The following CFAP47 variants were observed in gnomAD, a reference collection of about 807,000 sequenced individuals.
The protein encoded by CFAP47 is cilia- and flagella-associated protein 47.
CFAP47 carries 29 observed loss-of-function variants against 148.1 expected under a neutral mutation model. The observed-to-expected ratio is 0.20, with a 90% CI of 0.15 to 0.27. The LOEUF (loss-of-function observed/expected upper bound fraction) is 0.27, where lower values mean the gene tolerates loss of function less well. CFAP47 is among the 10% of genes least tolerant of loss of function. CFAP47 has a pLI of 1.00. For missense variants in CFAP47, 1,872 were observed against 1,697.5 expected (o/e 1.10, Z -1.81); for synonymous variants, 664 against 577.3 (o/e 1.15, Z -2.15).
chrX:36,379,743 T>A (rs1556023750), intron 63 of CFAP47: 10 of 325,250 alleles, frequency 3.1e-5, no homozygotes, highest in East Asian at 5.6e-5. Flanking sequence ...TAGAGGAAAG[T>A]TAAAAAAAAT....
intron 57 of CFAP47, among the ~76,000 whole-genome samples, chrX:36,337,856 CTTTTTTTTT>C (rs1196038760): frequency 1.7e-5 from 1 of 58,342 alleles, no homozygotes; most frequent in Non-Finnish European, 2.8e-5. Flanking sequence ...TTCCATAATC[CTTTTTTTTT>C]TTTTTTTTTT....
At chrX:36,337,683 A>G (rs1430388289) in intron 57 of CFAP47, among the ~76,000 whole-genome samples, 1 of 110,609 alleles carries the variant, frequency 9.0e-6, no homozygotes, top group African/African-American at 3.3e-5. Flanking sequence ...TTCTGTCATT[A>G]CATATTAATA....
chrX:36,151,709 A>G (rs1034188269), intron 37 of CFAP47, among the ~76,000 whole-genome samples: 1 of 111,680 alleles, frequency 9.0e-6, no homozygotes, highest in Admixed American at 9.5e-5. Context: ...GTCACATTCA[A>G]CAAAGCCCTT....
intron 23 of CFAP47, among the ~76,000 whole-genome samples, chrX:36,031,792 G>T (rs1189840824): frequency 4.9e-5 from 5 of 102,366 alleles, no homozygotes; most frequent in Admixed American, 1.1e-4. Flanking sequence ...TTTTCTTAAA[G>T]GATATCTCTG....
intron 57 of CFAP47, among the ~76,000 whole-genome samples, chrX:36,343,985 G>C (rs1183895724): frequency 9.4e-6 from 1 of 106,323 alleles, no homozygotes; most frequent in Non-Finnish European, 1.9e-5. Context: ...GTATTCCATG[G>C]TGTATATGTG....
At chrX:36,301,454 T>G (rs782043245) in intron 53 of CFAP47, among the ~76,000 whole-genome samples, 9 of 109,832 alleles carry the variant, frequency 8.2e-5, no homozygotes, top group Non-Finnish European at 1.7e-4. Flanking sequence ...ACTCCCATCT[T>G]AGAAGTCTAC....
intron 27 of CFAP47, among the ~76,000 whole-genome samples, chrX:36,069,965 C>T (rs1028939090): frequency 4.5e-5 from 5 of 111,792 alleles, no homozygotes; most frequent in African/African-American, 1.6e-4. Flanking sequence ...CCACTGGGAA[C>T]TTTTTATCAT....
intron 7 of CFAP47, 71 bp from the exon 8 acceptor site, chrX:35,955,890 A>G: frequency 4.3e-6 from 5 of 1,169,111 alleles, no homozygotes; most frequent in Non-Finnish European, 5.7e-6. Flanking sequence ...CAGACAACAA[A>G]TAGACTAAGC....
intron 56 of CFAP47, among the ~76,000 whole-genome samples, chrX:36,313,026 A>G (rs923788011): frequency 1.8e-5 from 2 of 111,412 alleles, no homozygotes; most frequent in East Asian, 5.6e-4. Flanking sequence ...GGCATTATCT[A>G]CGTATCTACT....
intron 15 of CFAP47, among the ~76,000 whole-genome samples, chrX:35,976,641 T>C (rs1017468515): frequency 9.0e-6 from 1 of 111,537 alleles, no homozygotes; most frequent in African/African-American, 3.3e-5. Flanking sequence ...CAGATACTTA[T>C]GGACAAAATA....
intron 26 of CFAP47, among the ~76,000 whole-genome samples, chrX:36,064,544 A>G (rs923644228): frequency 5.0e-4 from 56 of 112,129 alleles, no homozygotes; most frequent in African/African-American, 1.8e-3. Flanking sequence ...AATTTACTTG[A>G]TAACTCATTA....
intron 53 of CFAP47, among the ~76,000 whole-genome samples, chrX:36,302,024 A>C (rs1428733890): frequency 9.2e-6 from 1 of 108,907 alleles, no homozygotes; most frequent in East Asian, 2.9e-4. Context: ...TGACATTTGA[A>C]ATTTTTTTCT....
chrX:36,376,667 A>G (rs897445353), intron 62 of CFAP47, among the ~76,000 whole-genome samples: 5 of 111,540 alleles, frequency 4.5e-5, no homozygotes, highest in Non-Finnish European at 9.4e-5. Context: ...GTACATGTGC[A>G]CAACGTGCAG....
At chrX:36,356,940 T>C (rs1489812261) in intron 60 of CFAP47, among the ~76,000 whole-genome samples, 1 of 112,152 alleles carries the variant, frequency 8.9e-6, no homozygotes, top group Non-Finnish European at 1.9e-5. Flanking sequence ...TACAAATGAA[T>C]TGGAAAATGA....
At chrX:36,135,211 A>G (rs1303194200) in intron 33 of CFAP47, among the ~76,000 whole-genome samples, 1 of 110,822 alleles carries the variant, frequency 9.0e-6, no homozygotes, top group Non-Finnish European at 1.9e-5. Context: ...TGCTGGGTGC[A>G]CCAAAATCTC....
chrX:36,233,297 T>A (rs1311251451), intron 46 of CFAP47, among the ~76,000 whole-genome samples: 1 of 111,905 alleles, frequency 8.9e-6, no homozygotes, highest in Admixed American at 9.5e-5. Context: ...ATCTGGTTGC[T>A]CCTGTATTGG....
At chrX:36,148,893 C>CTGTA (rs926313934) in intron 36 of CFAP47, among the ~76,000 whole-genome samples, 11 of 84,807 alleles carry the variant, frequency 1.3e-4, no homozygotes, top group African/African-American at 7.2e-4. Context: ...TTCAGCTAAA[C>CTGTA]TGTATGTATG....
At chrX:35,947,651 A>G (rs1470419335) in intron 3 of CFAP47, among the ~76,000 whole-genome samples, 1 of 109,467 alleles carries the variant, frequency 9.1e-6, no homozygotes, top group Non-Finnish European at 1.9e-5. Flanking sequence ...AAACTCTGGA[A>G]CAATAGGGTA....
At chrX:36,176,843 G>T (rs1939688773) in intron 39 of CFAP47, among the ~76,000 whole-genome samples, 1 of 112,458 alleles carries the variant, frequency 8.9e-6, no homozygotes, top group Admixed American at 9.4e-5. Context: ...GGCTGAGGTT[G>T]CAGTGAGCGG....
Sources: allele counts gnomAD v4.1 joint callset (sites outside exome capture counted in the v4.1 genomes callset), GRCh38; gene constraint gnomAD v4.1.1; transcripts MANE v1.5; gene names NCBI Gene and HGNC (gene_info 2026-07-23, HGNC 2026-07-21).